The following EPHA5 variants were observed in gnomAD, a reference collection of about 807,000 sequenced individuals.
EPHA5 encodes the protein EPH receptor A5.
Under a neutral mutation model 105.0 loss-of-function variants are expected in EPHA5, and 60 were observed. The observed-to-expected ratio is 0.57, with a 90% CI of 0.46 to 0.71. The LOEUF is 0.71. EPHA5 is among the 30% of genes least tolerant of loss of function. EPHA5 has a pLI of 0.00. For synonymous variants in EPHA5, 513 were observed against 449.1 expected (o/e 1.14, Z -1.80); for missense variants, 1,218 against 1,274.7 (o/e 0.96, Z 0.68).
At chr4:65,563,192 G>A (rs919516408) in intron 3 of EPHA5, among the ~76,000 whole-genome samples, 11 of 151,814 alleles carry the variant, frequency 7.2e-5, no homozygotes, top group Non-Finnish European at 1.2e-4. Context: ...ACTTACTTTA[G>A]ATCCCCATTT....
intron 10 of EPHA5, among the ~76,000 whole-genome samples, chr4:65,365,447 C>A (rs1157838565): frequency 4.6e-5 from 7 of 150,726 alleles, no homozygotes; most frequent in African/African-American, 1.7e-4. Context: ...CTATTAACTT[C>A]CTCTATCTCA....
chr4:65,591,558 C>T (rs1490508973), intron 3 of EPHA5, among the ~76,000 whole-genome samples: 3 of 151,838 alleles, frequency 2.0e-5, no homozygotes, highest in Non-Finnish European at 4.4e-5. Flanking sequence ...ATTTCATACT[C>T]CTTTCTCAAA....
At chr4:65,425,772 G>A (rs987140647) in intron 5 of EPHA5, among the ~76,000 whole-genome samples, 2 of 151,904 alleles carry the variant, frequency 1.3e-5, no homozygotes, top group Non-Finnish European at 2.9e-5. Context: ...CCTAATCATT[G>A]TTAGCAACTT....
chr4:65,387,938 G>T (rs1720275626), intron 8 of EPHA5, among the ~76,000 whole-genome samples: 1 of 130,418 alleles, frequency 7.7e-6, no homozygotes, highest in African/African-American at 2.9e-5. Flanking sequence ...TTTAGCATTA[G>T]GTATATCTCC....
chr4:65,597,508 T>G (rs1743306931), intron 3 of EPHA5, among the ~76,000 whole-genome samples: 1 of 151,574 alleles, frequency 6.6e-6, no homozygotes, highest in Non-Finnish European at 1.5e-5. Context: ...ATAGCATGAA[T>G]TTCATCAGAA....
chr4:65,445,045 A>C (rs955779433), intron 5 of EPHA5, among the ~76,000 whole-genome samples: 31 of 152,100 alleles, frequency 2.0e-4, no homozygotes, highest in Non-Finnish European at 4.1e-4. Flanking sequence ...TTTATGTTTT[A>C]TCCTGCACTT....
At chr4:65,465,601 A>C (rs1352719997) in intron 5 of EPHA5, among the ~76,000 whole-genome samples, 1 of 151,248 alleles carries the variant, frequency 6.6e-6, no homozygotes, top group East Asian at 1.9e-4. Flanking sequence ...GAAAGGAAGG[A>C]AAGGAAGAAA....
chr4:65,646,886 C>T (rs1268356007), intron 1 of EPHA5, among the ~76,000 whole-genome samples: 4 of 152,038 alleles, frequency 2.6e-5, no homozygotes, highest in South Asian at 2.1e-4. Flanking sequence ...TTCACATAAC[C>T]GATATAATTA....
chr4:65,354,369 T>C (rs1252478990), intron 11 of EPHA5, among the ~76,000 whole-genome samples: 1 of 151,742 alleles, frequency 6.6e-6, no homozygotes, highest in African/African-American at 2.4e-5. Context: ...TAAAAAATTA[T>C]TGCTATATGA....
At position 65,320,136 on chromosome 4, in the gene EPHA5, G is replaced by A. The variant is rs1235940197; in HGVS notation, c.*3978C>T. The A allele has an allele frequency of 4.3e-6, 1 of 230,052 alleles. No homozygotes were observed. The highest frequency in any genetic ancestry group is 8.6e-6 in the Non-Finnish European group (1 of 116,116). The allele number at this position is 230,052 out of a possible 1,614,324, so 14.3% of individuals were successfully genotyped here. On this transcript the variant is annotated 3_prime_UTR_variant, in exon 17 of 17. Coordinates refer to ENST00000613740, the MANE Select transcript of EPHA5 (RefSeq NM_001281766.3). ...ACATTCAATCATTTATGTGTGAAAA[G>A]ATTTCTTCATAAATGAATAAGAAAT...
intron 3 of EPHA5, among the ~76,000 whole-genome samples, chr4:65,587,590 C>G (rs976035613): frequency 1.3e-5 from 2 of 151,992 alleles, no homozygotes; most frequent in African/African-American, 4.8e-5. Context: ...TGCCCCGACC[C>G]CCATCTGGAT....
At chr4:65,368,219 G>A (rs771449491) in intron 8 of EPHA5, among the ~76,000 whole-genome samples, 3 of 151,912 alleles carry the variant, frequency 2.0e-5, no homozygotes, top group Non-Finnish European at 4.4e-5. Flanking sequence ...GAACCTCTCT[G>A]GTTCTCTCCT....
intron 8 of EPHA5, among the ~76,000 whole-genome samples, chr4:65,373,474 A>G (rs1718689219): frequency 6.6e-6 from 1 of 151,934 alleles, no homozygotes; most frequent in Admixed American, 6.6e-5. Flanking sequence ...ATGAAAATAA[A>G]AATCTTCTCA....
intron 8 of EPHA5, among the ~76,000 whole-genome samples, chr4:65,378,076 A>G (rs981602368): frequency 2.6e-5 from 4 of 151,942 alleles, no homozygotes; most frequent in African/African-American, 9.7e-5. Flanking sequence ...TGCAAACACT[A>G]ATGAAGATAG....
At chr4:65,442,473 T>TC (rs1383578248) in intron 5 of EPHA5, among the ~76,000 whole-genome samples, 4 of 152,148 alleles carry the variant, frequency 2.6e-5, no homozygotes, top group Non-Finnish European at 5.9e-5. Flanking sequence ...TGTCAACCAG[T>TC]CTATGGCATC....
intron 2 of EPHA5, among the ~76,000 whole-genome samples, chr4:65,638,434 A>G (rs1747346244): frequency 6.6e-6 from 1 of 152,196 alleles, no homozygotes; most frequent in East Asian, 1.9e-4. Context: ...TTCATAATTT[A>G]CATGATATAT....
chr4:65,615,276 T>A (rs60178806), intron 2 of EPHA5, among the ~76,000 whole-genome samples: 46,338 of 151,514 alleles, frequency 0.31, 7,203 homozygotes, highest in Non-Finnish European at 0.33. Context: ...AAATTTGATT[T>A]AAAAACTTAG....
intron 3 of EPHA5, among the ~76,000 whole-genome samples, chr4:65,540,878 A>AAC (rs71657183): frequency 1.5e-4 from 22 of 146,042 alleles, no homozygotes; most frequent in South Asian, 1.1e-3. Context: ...AAAAAAAAAA[A>AAC]CAAAAATCAT....
chr4:65,486,266 C>A (rs576612616), intron 5 of EPHA5, among the ~76,000 whole-genome samples: 1 of 150,154 alleles, frequency 6.7e-6, no homozygotes, highest in Non-Finnish European at 1.5e-5. Context: ...CCCATTTACA[C>A]CCCCCCACCC....
Sources: gnomAD v4.1 joint callset for allele counts (sites outside exome capture counted in the v4.1 genomes callset) on GRCh38, gnomAD v4.1.1 for gene constraint, MANE v1.5 for transcripts, NCBI Gene and HGNC (gene_info 2026-07-23, HGNC 2026-07-21) for gene names.